Variants in ERC2 observed in about 807,000 individuals in gnomAD.
The protein encoded by ERC2 is ERC protein 2.
Under a neutral mutation model 114.8 loss-of-function variants are expected in ERC2, and 42 were observed. That is an observed-to-expected ratio of 0.37 (90% confidence interval 0.29 to 0.47). ERC2 has a LOEUF of 0.47. Among genes scored for constraint, ERC2 ranks in the 20% least tolerant of loss-of-function variants. The pLI is 0.99. For synonymous variants in ERC2, 454 were observed against 425.5 expected, an observed-to-expected ratio of 1.07 and a Z score of -0.82; for missense variants, 939 against 1,150.7, an observed-to-expected ratio of 0.82 and a Z score of 2.66.
rs2052028352 is a variant in ERC2, at chr3:55,510,954, C to G, written c.*362G>C. 1 of 152,150 alleles carries G rather than the reference C, an allele frequency of 6.6e-6. No individual in the cohort carries two copies. The highest frequency in any genetic ancestry group is 6.5e-5 in the Admixed American group (1 of 15,270). 9.4% of individuals were successfully genotyped at this position (152,150 alleles called of 1,614,324 possible). On this transcript the variant is annotated 3_prime_UTR_variant, in exon 18 of 18. Transcript: ENST00000288221. ...TCCAATGATGTTTAAGTAACATAAA[C>G]AAAATGTTATCAAATAATGACATTC...
intron 3 of ERC2, among the ~76,000 whole-genome samples, chr3:56,179,016 G>A (rs1405603387): frequency 6.7e-6 from 1 of 150,212 alleles, no homozygotes; most frequent in African/African-American, 2.4e-5. Context: ...ATTGTCTTGG[G>A]CCACACATAA....
intron 14 of ERC2, among the ~76,000 whole-genome samples, chr3:55,844,399 T>C (rs1486026931): frequency 6.6e-6 from 1 of 152,198 alleles, no homozygotes; most frequent in East Asian, 1.9e-4. Flanking sequence ...CACAACCAGA[T>C]GGATGAATCT....
At chr3:56,120,730 T>C (rs529549131) in intron 6 of ERC2, among the ~76,000 whole-genome samples, 3 of 152,194 alleles carry the variant, frequency 2.0e-5, no homozygotes, top group Non-Finnish European at 4.4e-5. Context: ...AGAGTTACCA[T>C]GTGCAAAAAT....
chr3:56,167,276 T>C (rs537642278), intron 4 of ERC2, among the ~76,000 whole-genome samples: 1 of 152,324 alleles, frequency 6.6e-6, no homozygotes, highest in South Asian at 2.1e-4. Flanking sequence ...CAGTTTTTCC[T>C]GAAAGCCTCA....
intron 15 of ERC2, among the ~76,000 whole-genome samples, chr3:55,701,532 C>T (rs2063224535): frequency 6.6e-6 from 1 of 151,940 alleles, no homozygotes; most frequent in Non-Finnish European, 1.5e-5. Context: ...ATTTGAAAGG[C>T]CCCAAAGTGA....
chr3:55,577,431 G>A (rs558445806), intron 17 of ERC2, among the ~76,000 whole-genome samples: 26 of 152,230 alleles, frequency 1.7e-4, no homozygotes, highest in South Asian at 4.1e-4. Flanking sequence ...TGTGATTCCC[G>A]AGGCACTTGG....
intron 7 of ERC2, among the ~76,000 whole-genome samples, chr3:56,071,142 A>G (rs2076720424): frequency 6.6e-6 from 1 of 152,188 alleles, no homozygotes; most frequent in Non-Finnish European, 1.5e-5. Context: ...ATGTATCCCC[A>G]GTACCTTTGA....
intron 3 of ERC2, among the ~76,000 whole-genome samples, chr3:56,210,520 C>G (rs1310779020): frequency 6.6e-6 from 1 of 152,154 alleles, no homozygotes; most frequent in African/African-American, 2.4e-5. Context: ...TGGGCTTTTA[C>G]TTTGTGCTTA....
intron 17 of ERC2, among the ~76,000 whole-genome samples, chr3:55,533,368 C>T (rs1177079592): frequency 6.6e-6 from 1 of 152,174 alleles, no homozygotes; most frequent in African/African-American, 2.4e-5. Context: ...CCCTCTGTGT[C>T]CGGAATGATA....
rs112307321 is a variant in ERC2, at chr3:56,074,816, T to C, written c.1641+6001A>G. On this transcript the variant is annotated intron_variant, in intron 7 of 17. Coordinates refer to ENST00000288221, the MANE Select transcript of ERC2 (RefSeq NM_015576.3). ...TGGGAACAAGAGTGGGCTTGACATT[T>C]TGCTGGGGCAAATGACTCTCCTCAG... 9.2e-3 allele frequency among the ~76,000 whole-genome samples: 1,396 copies of C among 152,266 alleles called. 18 individuals are homozygous for C. The highest frequency in any genetic ancestry group is 0.032 in the African/African-American group (1,317 of 41,536).
At chr3:56,465,106 A>C (rs1409432287) in intron 1 of ERC2, among the ~76,000 whole-genome samples, 1 of 152,238 alleles carries the variant, frequency 6.6e-6, no homozygotes, top group Non-Finnish European at 1.5e-5. Flanking sequence ...CCAACATAAC[A>C]AAACAAGAGG....
intron 17 of ERC2, among the ~76,000 whole-genome samples, chr3:55,613,451 C>T (rs999789452): frequency 4.6e-5 from 7 of 152,280 alleles, no homozygotes; most frequent in African/African-American, 1.7e-4. Context: ...AGCTATGGAC[C>T]TTCACCATAG....
chr3:56,278,558 G>A (rs1398848302), intron 3 of ERC2, among the ~76,000 whole-genome samples: 1 of 152,184 alleles, frequency 6.6e-6, no homozygotes, highest in Non-Finnish European at 1.5e-5. Context: ...TTTGGTTAAT[G>A]GTATCTACTG....
At chr3:56,067,999 TTTG>T (rs1339614028) in intron 7 of ERC2, among the ~76,000 whole-genome samples, 1 of 152,080 alleles carries the variant, frequency 6.6e-6, no homozygotes, top group African/African-American at 2.4e-5. Context: ...GCCTGAATTT[TTTG>T]TTGTTGTTGT....
At chr3:55,566,025 G>A (rs796749186) in intron 17 of ERC2, among the ~76,000 whole-genome samples, 9 of 152,282 alleles carry the variant, frequency 5.9e-5, no homozygotes, top group African/African-American at 1.7e-4. Context: ...CTTAGCTTGG[G>A]GGGAAATGTC....
intron 3 of ERC2, among the ~76,000 whole-genome samples, chr3:56,278,038 T>C (rs543441536): frequency 3.9e-5 from 6 of 152,224 alleles, no homozygotes; most frequent in Non-Finnish European, 8.8e-5. Context: ...GGGAGATTAA[T>C]AGGCTCAGCT....
intron 7 of ERC2, among the ~76,000 whole-genome samples, chr3:56,036,255 C>T (rs1181823050): frequency 1.3e-5 from 2 of 152,178 alleles, no homozygotes; most frequent in Admixed American, 6.5e-5. Context: ...ACTTAATACT[C>T]AATGGAGAGA....
At chr3:56,433,888 C>G (rs1423276594) in intron 2 of ERC2, 1 of 166,170 alleles carries the variant, frequency 6.0e-6, no homozygotes, top group African/African-American at 2.4e-5. Flanking sequence ...CAACTTCACT[C>G]ATTCTAGTGG....
chr3:55,989,644 C>T (rs2070902323), intron 11 of ERC2, among the ~76,000 whole-genome samples: 1 of 152,104 alleles, frequency 6.6e-6, no homozygotes, highest in Non-Finnish European at 1.5e-5. Context: ...GAGTTTGAAT[C>T]CTGATTAGAT....
Sources: gnomAD v4.1 joint callset for allele counts (sites outside exome capture counted in the v4.1 genomes callset) on GRCh38, gnomAD v4.1.1 for gene constraint, MANE v1.5 for transcripts, NCBI Gene and HGNC (gene_info 2026-07-23, HGNC 2026-07-21) for gene names.